Variants in IGSF11 observed in about 807,000 individuals in gnomAD.
IGSF11 encodes CXADR like 1.
In IGSF11, 22 loss-of-function variants were observed where a neutral mutation model predicts 41.0. The observed-to-expected ratio is 0.54, with a 90% CI of 0.38 to 0.77. The LOEUF (loss-of-function observed/expected upper bound fraction) is 0.77, where lower values mean the gene tolerates loss of function less well. Ranked by LOEUF, IGSF11 falls within the 30% of genes least tolerant of loss-of-function variation. IGSF11 has a pLI of 0.00. For synonymous variants in IGSF11, 219 were observed against 201.3 expected (o/e 1.09, Z -0.74); for missense variants, 444 against 530.8 (o/e 0.84, Z 1.61).
Position 118,902,447 on chromosome 3 carries a change from T to TGGC in IGSF11, c.*72_*73insGCC. The TGGC allele has an allele frequency of 1.8e-6, 1 of 563,916 alleles. No individual in the cohort carries two copies. Among genetic ancestry groups the TGGC allele is most frequent in the Non-Finnish European group, 3.4e-6 (1 of 298,020 alleles). 34.9% of individuals were successfully genotyped at this position (563,916 alleles called of 1,614,324 possible). On this transcript the variant is annotated 3_prime_UTR_variant, in exon 7 of 7. Coordinates refer to ENST00000393775, the MANE Select transcript of IGSF11 (RefSeq NM_001015887.3). ...TAAGGAAGTGTTTCTTTCCCAGCAC[T>TGGC]CCCCACCCCACCCTCCCCCTTGTAT...
intron 1 of IGSF11, among the ~76,000 whole-genome samples, chr3:118,933,354 G>T (rs185288227): frequency 6.6e-6 from 1 of 152,028 alleles, no homozygotes; most frequent in East Asian, 1.9e-4. Context: ...TATGATGAGG[G>T]CAGTACCAGA....
chr3:119,061,562 C>T (rs534829257), intron 1 of IGSF11, among the ~76,000 whole-genome samples: 3 of 152,294 alleles, frequency 2.0e-5, no homozygotes, highest in African/African-American at 7.2e-5. Context: ...TGATCAATGA[C>T]AACCAACCAA....
intron 1 of IGSF11, among the ~76,000 whole-genome samples, chr3:119,139,238 A>G (rs1478427678): frequency 6.6e-6 from 1 of 152,228 alleles, no homozygotes; most frequent in East Asian, 1.9e-4. Context: ...CTATCAAACG[A>G]TCCTGCCATA....
At chr3:119,045,453 G>C (rs545019269) in intron 1 of IGSF11, among the ~76,000 whole-genome samples, 10 of 152,204 alleles carry the variant, frequency 6.6e-5, no homozygotes, top group South Asian at 4.1e-4. Context: ...AAAAAACGGC[G>C]CACCATGAGA....
At chr3:119,025,828 G>A (rs1240600833) in intron 1 of IGSF11, among the ~76,000 whole-genome samples, 1 of 152,054 alleles carries the variant, frequency 6.6e-6, no homozygotes, top group Non-Finnish European at 1.5e-5. Context: ...GTACAAAGAT[G>A]ATCACTAAAA....
chr3:119,034,876 A>T, upstream of IGSF11: 1 of 1,155,592 alleles, frequency 8.7e-7, no homozygotes, highest in Non-Finnish European at 1.1e-6. Flanking sequence ...CCGGGGAGCC[A>T]CTCCCCCCAA....
Position 119,047,120 on chromosome 3 carries a change from T to C in IGSF11, c.49+58024A>G, listed in dbSNP as rs1423882965. Among the ~76,000 whole-genome samples, 3 of 148,418 alleles carry C rather than the reference T, an allele frequency of 2.0e-5. No homozygotes were observed. In the Admixed American group the frequency reaches 2.0e-4, roughly 10 times the overall value. ...GCAAAATCACCAGCTAACATCATAATGACAGGATCAAATTCACACATAACA... is the reference window on the plus strand; with the variant it reads ...GCAAAATCACCAGCTAACATCATAACGACAGGATCAAATTCACACATAACA... On this transcript the variant is annotated intron_variant, in intron 1 of 6. Coordinates refer to the IGSF11 transcript ENST00000354673.
At chr3:119,093,251 T>C (rs955328599) in intron 1 of IGSF11, among the ~76,000 whole-genome samples, 2 of 152,208 alleles carry the variant, frequency 1.3e-5, no homozygotes, top group South Asian at 2.1e-4. Context: ...GTATTTTACC[T>C]TCAATCATTA....
intron 4 of IGSF11, among the ~76,000 whole-genome samples, chr3:118,908,624 A>G (rs762483694): frequency 6.6e-6 from 1 of 152,206 alleles, no homozygotes; most frequent in Non-Finnish European, 1.5e-5. Context: ...GGAAAGTTCA[A>G]TGGCATGAAA....
intron 1 of IGSF11, among the ~76,000 whole-genome samples, chr3:118,935,994 T>C (rs1337116349): frequency 6.6e-6 from 1 of 152,110 alleles, no homozygotes; most frequent in Non-Finnish European, 1.5e-5. Flanking sequence ...TGGTTCCTCT[T>C]TAGTATATTG....
Position 119,097,957 on chromosome 3 carries a change from A to ATTTTTTTTTTTTTTT in IGSF11, c.49+7172_49+7186dup, listed in dbSNP as rs377746200. Among the ~76,000 whole-genome samples, 12 of 58,364 alleles carry ATTTTTTTTTTTTTTT rather than the reference A, an allele frequency of 2.1e-4. 3 individuals are homozygous for ATTTTTTTTTTTTTTT. Among genetic ancestry groups the ATTTTTTTTTTTTTTT allele is most frequent in the Non-Finnish European group, 4.1e-4 (12 of 29,260 alleles). 38.3% of individuals were successfully genotyped at this position (58,364 alleles called of 152,430 possible). ...AGGCACATGCCACCACATTCAGCTA[A>ATTTTTTTTTTTTTTT]TTTTTTTTTTTTTTTTTTTTTTTTT... On this transcript the variant is annotated intron_variant, in intron 1 of 6. Coordinates refer to the IGSF11 transcript ENST00000354673.
chr3:118,927,259 C>T (rs1326559968), intron 3 of IGSF11, among the ~76,000 whole-genome samples: 1 of 152,024 alleles, frequency 6.6e-6, no homozygotes, highest in African/African-American at 2.4e-5. Flanking sequence ...TTGGAGGTAG[C>T]ATTAATTATA....
At chr3:119,102,660 C>T (rs1208007968) in intron 1 of IGSF11, among the ~76,000 whole-genome samples, 1 of 152,100 alleles carries the variant, frequency 6.6e-6, no homozygotes, top group Non-Finnish European at 1.5e-5. Context: ...TATTGGACCT[C>T]CTCATCTTTC....
intron 4 of IGSF11, among the ~76,000 whole-genome samples, chr3:118,923,357 T>C (rs940919352): frequency 1.3e-5 from 2 of 152,326 alleles, no homozygotes; most frequent in South Asian, 4.1e-4. Flanking sequence ...GAAGACATCA[T>C]GCCTTTTTAC....
At chr3:118,942,172 T>C (rs985971579) in intron 1 of IGSF11, among the ~76,000 whole-genome samples, 2 of 152,170 alleles carry the variant, frequency 1.3e-5, no homozygotes, top group African/African-American at 2.4e-5. Context: ...GAAAAAGGTA[T>C]GTTGGGAAGC....
At chr3:119,141,651 A>G (rs1235714102) in intron 1 of IGSF11, among the ~76,000 whole-genome samples, 2 of 148,844 alleles carry the variant, frequency 1.3e-5, no homozygotes, top group African/African-American at 2.4e-5. Flanking sequence ...TCTAATATAT[A>G]TTTCTAATAT....
chr3:118,932,999 G>T (rs1267108342), intron 1 of IGSF11, among the ~76,000 whole-genome samples: 2 of 152,236 alleles, frequency 1.3e-5, no homozygotes, highest in Non-Finnish European at 2.9e-5. Flanking sequence ...AGAGGACAAG[G>T]AGCTGTGTGG....
At chr3:119,063,309 A>T (rs1462762680) in intron 1 of IGSF11, among the ~76,000 whole-genome samples, 1 of 152,230 alleles carries the variant, frequency 6.6e-6, no homozygotes, top group Non-Finnish European at 1.5e-5. Flanking sequence ...TCCTCTACAA[A>T]GACTGAGGGT....
At chr3:118,977,794 C>T (rs954369740) in intron 1 of IGSF11, among the ~76,000 whole-genome samples, 1 of 152,114 alleles carries the variant, frequency 6.6e-6, no homozygotes, top group Non-Finnish European at 1.5e-5. Flanking sequence ...TGTTCCAGAC[C>T]GGGAGCTCAC....
Sources: allele counts gnomAD v4.1 joint callset (sites outside exome capture counted in the v4.1 genomes callset), GRCh38; gene constraint gnomAD v4.1.1; transcripts MANE v1.5; gene names NCBI Gene and HGNC (gene_info 2026-07-23, HGNC 2026-07-21).